DCAF13: variants seen among roughly 807,000 people sequenced by gnomAD.
DCAF13 encodes DDB1 and CUL4 associated factor 13, also known as DDB1- and CUL4-associated factor 13.
Under a neutral mutation model 59.0 loss-of-function variants are expected in DCAF13, and 38 were observed. The observed-to-expected ratio is 0.64, with a 90% CI of 0.50 to 0.84. DCAF13 has a LOEUF of 0.84. Ranked by LOEUF, DCAF13 falls within the 40% of genes least tolerant of loss-of-function variation. The pLI, the probability that DCAF13 is intolerant of heterozygous loss-of-function variation, is 0.00. For missense variants in DCAF13, 469 were observed against 558.4 expected (o/e 0.84, Z 1.61); for synonymous variants, 173 against 175.0 (o/e 0.99, Z 0.09).
chr8:103,419,193 A>G (rs1313983365), intron 1 of DCAF13, among the ~76,000 whole-genome samples: 4 of 151,856 alleles, frequency 2.6e-5, no homozygotes, highest in South Asian at 2.1e-4. Context: ...CCTAAGCGTG[A>G]TTATTAACCA....
Position 103,439,165 on chromosome 8 carries a change from T to G in DCAF13, c.951-971T>G, listed in dbSNP as rs527284553. Among the ~76,000 whole-genome samples, 86 of 151,742 alleles carry G rather than the reference T, an allele frequency of 5.7e-4. 1 individual carries two copies. Among genetic ancestry groups the G allele is most frequent in the Admixed American group, 1.3e-3 (20 of 15,256 alleles). On this transcript the variant is annotated intron_variant, in intron 8 of 10. Transcript: ENST00000612750. ...GACTACAGGCGCCTGCCACCATGCC[T>G]GGCTAATTTTTTGCATTTTTAGTAG...
At chr8:103,424,575 A>G (rs542188610) in intron 3 of DCAF13, among the ~76,000 whole-genome samples, 2 of 152,340 alleles carry the variant, frequency 1.3e-5, no homozygotes, top group African/African-American at 4.8e-5. Flanking sequence ...ACTCATTTCT[A>G]TAAAATGAGA....
At chr8:103,422,261 C>T (rs1221828035) in intron 3 of DCAF13, among the ~76,000 whole-genome samples, 5 of 152,048 alleles carry the variant, frequency 3.3e-5, no homozygotes, top group Admixed American at 3.3e-4. Context: ...ATGGGCTGTT[C>T]GAGTGAAGAT....
At chr8:103,415,550 T>C in intron 1 of DCAF13, 34 bp downstream of exon 1, 1 of 1,569,966 alleles carries the variant, frequency 6.4e-7, no homozygotes, top group Non-Finnish European at 8.6e-7. Context: ...AGGGACGGTT[T>C]CCGCAAGTCG....
chr8:103,441,699 C>A, intron 10 of DCAF13, 81 bp downstream of exon 10: 1 of 1,320,000 alleles, frequency 7.6e-7, no homozygotes, highest in Non-Finnish European at 1.1e-6. Flanking sequence ...AACTGCCATT[C>A]AAGGGAGTAG....
rs756945539 is a variant in DCAF13 at position 103,442,806 on chromosome 8, G to A, written c.1262G>A (p.Arg421His). ...KEARRRKEVN[R>H]IKHSKPGSVP... ...TATTTTATTTCTAGGGAAGTGAATC[G>A]TATTAAACACAGCAAGCCTGGATCT... Residue 421 changes from arginine (R) to histidine (H), a missense_variant, in exon 11 of 11, where the codon CGT becomes CAT. Coordinates refer to ENST00000612750, the MANE Select transcript of DCAF13 (RefSeq NM_015420.7). 1.1e-5 allele frequency: 18 copies of A among 1,596,722 alleles called. No individual in the cohort carries two copies. In the South Asian group the frequency reaches 1.4e-4, roughly 12 times the overall value.
At chr8:103,428,868 T>C (rs1816826599) in intron 5 of DCAF13, 1 of 152,064 alleles carries the variant, frequency 6.6e-6, no homozygotes, top group Non-Finnish European at 1.5e-5. Flanking sequence ...GACCATGTTT[T>C]TCAAACTTGC....
At chr8:103,426,222 A>G in intron 4 of DCAF13, 77 bp downstream of exon 4, 1 of 847,142 alleles carries the variant, frequency 1.2e-6, no homozygotes, top group South Asian at 2.0e-5. Context: ...ATAATTTCCT[A>G]AGATGGGGAA....
At chr8:103,421,593 T>C (rs528516455) in intron 3 of DCAF13, among the ~76,000 whole-genome samples, 1 of 152,358 alleles carries the variant, frequency 6.6e-6, no homozygotes, top group South Asian at 2.1e-4. Flanking sequence ...ATAACTCCTC[T>C]GTCCCCTCAG....
At position 103,432,707 on chromosome 8, in the gene DCAF13, G is replaced by C; in HGVS notation, c.751G>C (p.Ala251Pro). 1 of 1,606,006 alleles carries C rather than the reference G, an allele frequency of 6.2e-7. No homozygotes were observed. The highest frequency in any genetic ancestry group is 1.1e-5 in the South Asian group (1 of 90,812). Reference sequence around the variant, plus strand: ...TACAATCTGTTGGAACCCTATGGAAGCTTTCATTTTTACAGCAGCAAATGA... The same window carrying C: ...TACAATCTGTTGGAACCCTATGGAACCTTTCATTTTTACAGCAGCAAATGA... ...TNTICWNPME[A>P]FIFTAANEDY... is the part of the protein sequence containing the mutation. Residue 251 changes from alanine to proline, a missense_variant, in exon 7 of 11, where the codon GCT becomes CCT. Coordinates refer to ENST00000612750, the MANE Select transcript of DCAF13 (RefSeq NM_015420.7).
intron 1 of DCAF13, among the ~76,000 whole-genome samples, chr8:103,417,641 CAAAAAA>C (rs34702662): frequency 4.0e-5 from 3 of 75,946 alleles, no homozygotes. Flanking sequence ...GACTCCGTCT[CAAAAAA>C]AAAAAAAAAA....
chr8:103,430,788 T>TA lies in DCAF13; in HGVS notation c.702+106dup, dbSNP rs1441185793. 6 of 862,010 alleles carry TA rather than the reference T, an allele frequency of 7.0e-6. No individual in the cohort carries two copies. The South Asian group carries it at 9.5e-5, about 14-fold the overall frequency. 53.4% of individuals were successfully genotyped at this position (862,010 alleles called of 1,614,324 possible). ...TATGGAGCAAATATTTTCTCAGAAT[T>TA]AAAAAAATCTTTTATACAGGTGTTC... On this transcript the variant is annotated intron_variant, in intron 6 of 10. Coordinates refer to ENST00000612750, the MANE Select transcript of DCAF13 (RefSeq NM_015420.7).
intron 7 of DCAF13, among the ~76,000 whole-genome samples, chr8:103,433,826 C>CT (rs373059297): frequency 1.4e-4 from 21 of 147,706 alleles, no homozygotes; most frequent in African/African-American, 3.0e-4. Context: ...GTAATTGAAG[C>CT]TTTTTTTTTT....
chr8:103,435,802 C>T lies in DCAF13; in HGVS notation c.950+12C>T. The T allele has an allele frequency of 6.2e-7, 1 of 1,612,406 alleles. No individual in the cohort carries two copies. Among genetic ancestry groups the T allele is most frequent in the South Asian group, 1.1e-5 (1 of 91,050 alleles). On this transcript the variant is annotated intron_variant, in intron 8 of 10. Coordinates refer to ENST00000612750, the MANE Select transcript of DCAF13 (RefSeq NM_015420.7). ...AAAAGTCGAAGCAGGTATGTGCCTA[C>T]CAGTAAGCCATTTATATTCATATGT...
chr8:103,423,285 A>G (rs1816746132), intron 3 of DCAF13, among the ~76,000 whole-genome samples: 1 of 152,100 alleles, frequency 6.6e-6, no homozygotes, highest in Non-Finnish European at 1.5e-5. Context: ...TACCCAGGAT[A>G]TGGAATCAAC....
intron 3 of DCAF13, among the ~76,000 whole-genome samples, chr8:103,422,046 A>G (rs1816728879): frequency 6.6e-6 from 1 of 152,248 alleles, no homozygotes. Context: ...TTTGAAGGCC[A>G]TTTTAATAGT....
At position 103,443,164 on chromosome 8, in the gene DCAF13, C is replaced by T. The variant is rs3134274; in HGVS notation, c.*282C>T. 9 of 232,796 alleles carry T rather than the reference C, an allele frequency of 3.9e-5. No homozygotes were observed. In the East Asian group the frequency reaches 6.4e-4, roughly 17 times the overall value. The allele number at this position is 232,796 out of a possible 1,614,324, so 14.4% of individuals were successfully genotyped here. On this transcript the variant is annotated 3_prime_UTR_variant, in exon 11 of 11. Transcript: ENST00000612750. ...CAGATATACTTACTTTCTCTTTGAT[C>T]TATTATTGTAGACACTATACATTCA...
intron 6 of DCAF13, among the ~76,000 whole-genome samples, chr8:103,432,305 T>G (rs977444936): frequency 1.3e-5 from 2 of 152,182 alleles, no homozygotes; most frequent in African/African-American, 4.8e-5. Context: ...AAATCATACT[T>G]GTCTTTAGAA....
At chr8:103,427,991 C>T (rs2130485182) in intron 5 of DCAF13, 2 of 152,254 alleles carry the variant, frequency 1.3e-5, no homozygotes, top group East Asian at 3.9e-4. Context: ...GCAATCATAG[C>T]ATATATAAGC....
Sources: gnomAD v4.1 joint callset for allele counts (sites outside exome capture counted in the v4.1 genomes callset) on GRCh38, gnomAD v4.1.1 for gene constraint, MANE v1.5 for transcripts, NCBI Gene and HGNC (gene_info 2026-07-23, HGNC 2026-07-21) for gene names.